The following WDR91 variants were observed in gnomAD, a reference collection of about 807,000 sequenced individuals.
WDR91 encodes WD repeat-containing protein 91.
In WDR91, 52 loss-of-function variants were observed where a neutral mutation model predicts 88.4. That is an observed-to-expected ratio of 0.59 (90% CI 0.47 to 0.74). The LOEUF is 0.74. Ranked by LOEUF, WDR91 falls within the 30% of genes least tolerant of loss-of-function variation. The probability of loss-of-function intolerance (pLI) is 0.00; values close to 1 mark genes in which losing one functional copy is unlikely to be tolerated. For synonymous variants in WDR91, 362 were observed against 389.5 expected (o/e 0.93, Z 0.83); for missense variants, 824 against 954.5 (o/e 0.86, Z 1.80).
chr7:135,204,367 C>T lies in WDR91; in HGVS notation c.792G>A (p.Ser264=), dbSNP rs369872179. 100 of 1,614,028 alleles carry T rather than the reference C, an allele frequency of 6.2e-5. No individual in the cohort carries two copies. Among genetic ancestry groups the T allele is most frequent in the East Asian group, 2.4e-4 (11 of 44,898 alleles). ...SQSPRVGFLS[S]LLPQSKKSPS... ...GGCTCTTCTTACTCTGAGGCAGCAG[C>T]GAGGACAGGAAGCCCACACGAGGTG... Residue 264 remains serine, a synonymous_variant, in exon 6 of 15, where the codon TCG becomes TCA. Transcript: ENST00000354475.
At position 135,193,359 on chromosome 7, in the gene WDR91, C is replaced by G; in HGVS notation, c.1531G>C (p.Val511Leu). Residue 511 changes from valine to leucine, a missense_variant, in exon 11 of 15, where the codon GTC becomes CTC. Transcript: ENST00000354475. ...LACSPNGASF[V>L]CSAAAPSLTS... is the part of the protein sequence containing the mutation. Reference sequence around the variant, plus strand: ...AGGCTCGGAGCTGCTGCCGAACAGACGAAAGAGGCCCCGTTGGGGCTGCAC... The same window carrying G: ...AGGCTCGGAGCTGCTGCCGAACAGAGGAAAGAGGCCCCGTTGGGGCTGCAC... The G allele has an allele frequency of 6.2e-7, 1 of 1,614,198 alleles. No individual in the cohort carries two copies. Among genetic ancestry groups the G allele is most frequent in the Non-Finnish European group, 8.5e-7 (1 of 1,180,046 alleles).
At chr7:135,198,896 G>A (rs1831470995) in intron 6 of WDR91, 1 of 152,214 alleles carries the variant, frequency 6.6e-6, no homozygotes. Flanking sequence ...CTTAAAAGGA[G>A]CTGCCACCCC....
Position 135,204,299 on chromosome 7 carries a change from C to G in WDR91, c.860G>C (p.Ser287Thr). The change falls in exon 6 of 15, where the codon AGC (serine) becomes ACC (threonine). Residue 287 changes from serine to threonine, a missense_variant. Ser to Thr is a moderately conservative substitution (Grantham distance 58, BLOSUM62 1). Coordinates refer to ENST00000354475, the MANE Select transcript of WDR91 (RefSeq NM_014149.4). ...SPAQGPPQPQ[S>T]SAKKESFGGQ... ...ACCGAAGGACTCTTTCTTGGCCGAGCTCTGAGGTTGAGGAGGGCCCTGAGC... is the reference window on the plus strand; with the variant it reads ...ACCGAAGGACTCTTTCTTGGCCGAGGTCTGAGGTTGAGGAGGGCCCTGAGC... 1.9e-6 allele frequency: 3 copies of G among 1,614,074 alleles called. No homozygotes were observed. Among genetic ancestry groups the G allele is most frequent in the Non-Finnish European group, 2.5e-6 (3 of 1,179,992 alleles).
rs570114373 is a variant in WDR91 at position 135,196,444 on chromosome 7, G to A, written c.1051-107C>T. On this transcript the variant is annotated intron_variant, in intron 7 of 14. Coordinates refer to ENST00000354475, the MANE Select transcript of WDR91 (RefSeq NM_014149.4). This position sits in a 1 kb window ranked among gnomAD's most constrained non-coding sequence, Gnocchi z 4.2. ...GGCTGCAGCATTTTGCGGGGTTCTC[G>A]GTAATTACAGAGTGGAGAGGAGAGC... 2.4e-5 allele frequency: 27 copies of A among 1,113,442 alleles called. No individual in the cohort carries two copies. Among genetic ancestry groups the A allele is most frequent in the South Asian group, 1.8e-4 (10 of 56,620 alleles). The allele number at this position is 1,113,442 out of a possible 1,614,324, so 69.0% of individuals were successfully genotyped here. A position where few individuals can be genotyped will look rare whatever the true frequency, so the allele number is the denominator to read the frequency against.
chr7:135,190,928 C>CT (rs1233022162), intron 11 of WDR91, among the ~76,000 whole-genome samples: 5 of 152,214 alleles, frequency 3.3e-5, no homozygotes, highest in African/African-American at 1.2e-4. Context: ...AAAATGATGA[C>CT]TGAGAATTTT....
chr7:135,188,610 G>T, intron 12 of WDR91, 65 bp from the exon 13 acceptor site: 1 of 1,379,032 alleles, frequency 7.3e-7, no homozygotes, highest in Non-Finnish European at 1.0e-6. Flanking sequence ...TCTGCCTGCA[G>T]CAGGAGGCCC....
chr7:135,209,017 G>A lies in WDR91; in HGVS notation c.304-19C>T, dbSNP rs1270570024. 6.2e-7 allele frequency: 1 copy of A among 1,608,870 alleles called. No homozygotes were observed. The highest frequency in any genetic ancestry group is 8.5e-7 in the Non-Finnish European group (1 of 1,176,296). ...TGTTTGTCTGCCAAGACACAAGGAG[G>A]TAGCAAGGAGGGAGGAGAGACAGAA... On this transcript the variant is annotated intron_variant, in intron 2 of 14. Transcript: ENST00000354475.
chr7:135,207,067 C>T lies in WDR91; in HGVS notation c.594+53G>A, dbSNP rs768110361. On this transcript the variant is annotated intron_variant, in intron 4 of 14. Coordinates refer to ENST00000354475, the MANE Select transcript of WDR91 (RefSeq NM_014149.4). ...GTGTTCCACTGCCACTACCTAATTT[C>T]ACACACAAAAAGCAGAAGTACTTCC... The T allele has an allele frequency of 6.6e-6, 10 of 1,508,604 alleles. No individual in the cohort carries two copies. The East Asian group carries it at 2.2e-4, about 33-fold the overall frequency. 93.5% of individuals were successfully genotyped at this position (1,508,604 alleles called of 1,614,324 possible).
intron 1 of WDR91, among the ~76,000 whole-genome samples, chr7:135,210,147 C>T (rs1831959427): frequency 6.6e-6 from 1 of 152,040 alleles, no homozygotes; most frequent in African/African-American, 2.4e-5. Context: ...GTCAGGAGTT[C>T]GAGACCAGCC....
At position 135,206,032 on chromosome 7, in the gene WDR91, G is replaced by C; in HGVS notation, c.621C>G (p.His207Gln). The part of the protein sequence containing the change: ...QKLFALQAEI[H>Q]RLKKEEQQPE... ...GCTGTTGCTCCTCTTTCTTCAGTCG[G>C]TGGATTTCAGCTTGCAATGCAAAAA... is the stretch of plus-strand genomic sequence containing the variant. Residue 207 changes from histidine (H) to glutamine (Q), a missense_variant, in exon 5 of 15, where the codon CAC becomes CAG. Transcript: ENST00000354475. The C allele has an allele frequency of 6.2e-7, 1 of 1,614,230 alleles. No homozygotes were observed. Among genetic ancestry groups the C allele is most frequent in the Non-Finnish European group, 8.5e-7 (1 of 1,180,046 alleles).
chr7:135,203,549 T>G (rs1831649389), intron 6 of WDR91, among the ~76,000 whole-genome samples: 1 of 152,164 alleles, frequency 6.6e-6, no homozygotes, highest in East Asian at 1.9e-4. Context: ...TCCATAAAAG[T>G]GAGAAATAGT....
chr7:135,193,773 A>G, intron 9 of WDR91, 101 bp from the exon 10 acceptor site: 1 of 934,428 alleles, frequency 1.1e-6, no homozygotes, highest in Non-Finnish European at 1.7e-6. Flanking sequence ...TGTGGGGGTG[A>G]GGCCCCTCCT....
chr7:135,203,701 G>A (rs1217047778), intron 6 of WDR91, among the ~76,000 whole-genome samples: 1 of 152,138 alleles, frequency 6.6e-6, no homozygotes, highest in Admixed American at 6.5e-5. Flanking sequence ...ACTCACACTT[G>A]AGCCACCAAA....
At chr7:135,200,854 A>T (rs1394908928) in intron 6 of WDR91, among the ~76,000 whole-genome samples, 2 of 152,184 alleles carry the variant, frequency 1.3e-5, no homozygotes, top group Non-Finnish European at 2.9e-5. Context: ...CCAGAGCCTC[A>T]CAGAGCTTAC....
chr7:135,200,752 C>T (rs1244903076), intron 6 of WDR91, among the ~76,000 whole-genome samples: 3 of 152,212 alleles, frequency 2.0e-5, no homozygotes, highest in Non-Finnish European at 4.4e-5. Context: ...GACACGGTAA[C>T]CTCTGTCTTA....
intron 6 of WDR91, chr7:135,201,657 G>A (rs1176817609): frequency 6.6e-6 from 1 of 152,164 alleles, no homozygotes; most frequent in African/African-American, 2.4e-5. Context: ...TTTTGTGTGT[G>A]CTTATTCTTT....
At chr7:135,201,407 G>A (rs993975350) in intron 6 of WDR91, 5 of 149,874 alleles carry the variant, frequency 3.3e-5, no homozygotes, top group African/African-American at 1.2e-4. Context: ...AAAGCCTGGA[G>A]AGTATCTGCC....
intron 13 of WDR91, 34 bp downstream of exon 13, chr7:135,188,399 G>T (rs751035345): frequency 6.3e-7 from 1 of 1,583,854 alleles, no homozygotes; most frequent in South Asian, 1.1e-5. Context: ...ATGTCATCCC[G>T]GTGCTCTCTT....
intron 1 of WDR91, 103 bp downstream of exon 1, chr7:135,211,277 G>A (rs1336413436): frequency 2.8e-6 from 4 of 1,453,194 alleles, no homozygotes; most frequent in East Asian, 2.6e-5. Flanking sequence ...GCCCCGGCGC[G>A]AGTGACAGCG....
Sources: gnomAD v4.1 joint callset for allele counts (sites outside exome capture counted in the v4.1 genomes callset) on GRCh38, gnomAD v4.1.1 for gene constraint, Gnocchi (gnomAD v3.1) non-coding constraint, MANE v1.5 for transcripts, NCBI Gene and HGNC (gene_info 2026-07-23, HGNC 2026-07-21) for gene names.